Variants in ZNF676 observed in about 807,000 individuals in gnomAD.
ZNF676 encodes zinc finger protein 676.
Under a neutral mutation model 6.0 loss-of-function variants are expected in ZNF676, and 4 were observed. The observed-to-expected ratio is 0.67, with a 90% CI of 0.33 to 1.53. The LOEUF is 1.53. Ranked by LOEUF, ZNF676 falls within the 40% of genes most tolerant of loss-of-function variation. The pLI is 0.06. For missense variants in ZNF676, 644 were observed against 679.7 expected, an observed-to-expected ratio of 0.95 and a Z score of 0.58; for synonymous variants, 198 against 223.1, an observed-to-expected ratio of 0.89 and a Z score of 1.00.
chr19:22,183,135 AC>A (rs2023784766), intron 2 of ZNF676, among the ~76,000 whole-genome samples: 1 of 152,136 alleles, frequency 6.6e-6, no homozygotes. Flanking sequence ...CTGTATACAT[AC>A]ACAAAAGAAA....
chr19:22,232,710 T>C, the ZNF676 span, among the ~76,000 whole-genome samples: 2 of 151,994 alleles, frequency 1.3e-5, no homozygotes, highest in African/African-American at 2.4e-5. Context: ...TAAATTTATA[T>C]GGATTACTTT....
At chr19:22,234,034 T>C in the ZNF676 span, among the ~76,000 whole-genome samples, 1 of 152,244 alleles carries the variant, frequency 6.6e-6, no homozygotes, top group Non-Finnish European at 1.5e-5. Flanking sequence ...AACCATTGGC[T>C]AAAGCCCATG....
upstream of ZNF676, among the ~76,000 whole-genome samples, chr19:22,200,944 G>C (rs937686488): frequency 6.6e-6 from 1 of 152,060 alleles, no homozygotes; most frequent in Non-Finnish European, 1.5e-5. Flanking sequence ...TCAAGTACCA[G>C]GGATCTGTTC....
chr19:22,249,049 GAA>G, the ZNF676 span, among the ~76,000 whole-genome samples: 1 of 152,080 alleles, frequency 6.6e-6, no homozygotes, highest in African/African-American at 2.4e-5. Flanking sequence ...AGTTATATAT[GAA>G]AGAGTTCTGA....
chr19:22,181,246 A>G lies in ZNF676; in HGVS notation c.471T>C (p.Ser157=), dbSNP rs2023744931. The G allele has an allele frequency of 2.5e-6, 4 of 1,613,744 alleles. No individual in the cohort carries two copies. Among genetic ancestry groups the G allele is most frequent in the South Asian group, 1.1e-5 (1 of 91,074 alleles). Residue 157 remains serine (S), a synonymous_variant, in exon 3 of 3, where the codon TCT becomes TCC. Transcript: ENST00000397121. ...VRSFCMLSHL[S]QHERIYTREN... ...CTCTAGTATAAATTCTTTCATGTTG[A>G]GATAGGTGTGAAAGCATGCAAAATG...
At chr19:22,200,666 G>A (rs2024016875), upstream of ZNF676, among the ~76,000 whole-genome samples, 1 of 151,784 alleles carries the variant, frequency 6.6e-6, no homozygotes, top group Admixed American at 6.6e-5. Flanking sequence ...CTACAGGCAT[G>A]AGCCACCACA....
intron 1 of ZNF676, among the ~76,000 whole-genome samples, chr19:22,215,111 T>C (rs1162322153): frequency 1.3e-5 from 2 of 151,650 alleles, no homozygotes; most frequent in Admixed American, 6.6e-5. Flanking sequence ...TTATTGAATG[T>C]GGTTTTCTTC....
At chr19:22,259,479 G>C in the ZNF676 span, among the ~76,000 whole-genome samples, 5 of 152,156 alleles carry the variant, frequency 3.3e-5, no homozygotes, top group Non-Finnish European at 7.3e-5. Flanking sequence ...AATATGTAAC[G>C]ATGATTCTCG....
chr19:22,214,427 C>A (rs571160409), intron 1 of ZNF676, among the ~76,000 whole-genome samples: 2 of 150,728 alleles, frequency 1.3e-5, no homozygotes, highest in South Asian at 4.2e-4. Flanking sequence ...CCAGCCTGAC[C>A]AACACGGTGA....
chr19:22,235,541 C>T, the ZNF676 span, among the ~76,000 whole-genome samples: 43 of 152,314 alleles, frequency 2.8e-4, no homozygotes, highest in East Asian at 7.7e-3. Flanking sequence ...CCCTGGACCA[C>T]TGGACCCCTG....
intron 1 of ZNF676, among the ~76,000 whole-genome samples, chr19:22,212,577 C>CTT (rs750623234): frequency 2.6e-5 from 4 of 151,886 alleles, no homozygotes; most frequent in East Asian, 2.0e-4. Context: ...TGGTGGTGGG[C>CTT]ACCTGTAGTC....
upstream of ZNF676, among the ~76,000 whole-genome samples, chr19:22,217,158 C>T (rs959319515): frequency 2.0e-5 from 3 of 151,892 alleles, no homozygotes; most frequent in Non-Finnish European, 4.4e-5. Context: ...CCTCTCCTAC[C>T]CTTCCCACTG....
At chr19:22,214,653 T>C (rs1424943420) in intron 1 of ZNF676, among the ~76,000 whole-genome samples, 1 of 149,754 alleles carries the variant, frequency 6.7e-6, no homozygotes, top group Non-Finnish European at 1.5e-5. Flanking sequence ...AATTACTACA[T>C]TGGGGGAAAA....
intron 1 of ZNF676, among the ~76,000 whole-genome samples, chr19:22,214,697 TAACCTCTGA>T (rs1311780006): frequency 6.6e-6 from 1 of 151,718 alleles, no homozygotes; most frequent in African/African-American, 2.4e-5. Context: ...AACTGCCAAT[TAACCTCTGA>T]TTACATAACC....
upstream of ZNF676, among the ~76,000 whole-genome samples, chr19:22,220,274 G>A (rs942268417): frequency 2.0e-5 from 3 of 152,068 alleles, no homozygotes; most frequent in African/African-American, 7.2e-5. Context: ...TTGGTGTGTA[G>A]TTTTCTTTTA....
the ZNF676 span, among the ~76,000 whole-genome samples, chr19:22,238,778 T>A: frequency 1.3e-5 from 2 of 151,822 alleles, no homozygotes; most frequent in African/African-American, 4.8e-5. Flanking sequence ...GAACTTGGAG[T>A]CTGATGTTCA....
rs556881102 is a variant in ZNF676, at chr19:22,205,346, A to G, written c.4-8620T>C. Among the ~76,000 whole-genome samples the G allele has an allele frequency of 5.3e-5, 8 of 152,274 alleles. 1 individual carries two copies. In the East Asian group the frequency reaches 5.8e-4, roughly 11 times the overall value. ...CAGAACTCTTCATCTAAAAAATACCATAACATACATTCTTCTCATCACCAC... is the reference window on the plus strand; with the variant it reads ...CAGAACTCTTCATCTAAAAAATACCGTAACATACATTCTTCTCATCACCAC... On this transcript the variant is annotated intron_variant, in intron 1 of 3. Transcript: ENST00000650058.
chr19:22,235,233 T>C, the ZNF676 span, among the ~76,000 whole-genome samples: 1 of 152,128 alleles, frequency 6.6e-6, no homozygotes, highest in Non-Finnish European at 1.5e-5. Flanking sequence ...AATAGCATCT[T>C]TATTTTTCAC....
the ZNF676 span, among the ~76,000 whole-genome samples, chr19:22,239,059 T>A: frequency 6.6e-6 from 1 of 152,168 alleles, no homozygotes; most frequent in African/African-American, 2.4e-5. Flanking sequence ...CCACACCTAG[T>A]TAAGAGAGTC....
Sources: gnomAD v4.1 joint callset for allele counts (sites outside exome capture counted in the v4.1 genomes callset) on GRCh38, gnomAD v4.1.1 for gene constraint, MANE v1.5 for transcripts, NCBI Gene and HGNC (gene_info 2026-07-23, HGNC 2026-07-21) for gene names.